COP1: variants seen among roughly 807,000 people sequenced by gnomAD.
COP1 encodes the protein E3 ubiquitin-protein ligase COP1.
A neutral mutation model predicts 101.3 loss-of-function variants in COP1; 24 were observed. The observed-to-expected ratio is 0.24, with a 90% CI of 0.17 to 0.33. The LOEUF (loss-of-function observed/expected upper bound fraction) is 0.33. Ranked by LOEUF, COP1 falls within the 10% of genes least tolerant of loss-of-function variation. The pLI is 1.00. For synonymous variants in COP1, 347 were observed against 341.9 expected, an observed-to-expected ratio of 1.01 and a Z score of -0.17; for missense variants, 663 against 906.2, an observed-to-expected ratio of 0.73 and a Z score of 3.45.
At chr1:176,116,300 G>A (rs1222088865) in intron 9 of COP1, among the ~76,000 whole-genome samples, 1 of 152,114 alleles carries the variant, frequency 6.6e-6, no homozygotes, top group African/African-American at 2.4e-5. Context: ...AGAATTGCTT[G>A]AGCCTAGGAG....
intron 5 of COP1, among the ~76,000 whole-genome samples, chr1:176,153,711 G>C (rs1692990269): frequency 6.6e-6 from 1 of 152,160 alleles, no homozygotes. Flanking sequence ...ATTTAATGAT[G>C]TTGGCTGTGG....
At chr1:176,058,092 C>T (rs1281986507) in intron 11 of COP1, among the ~76,000 whole-genome samples, 1 of 142,138 alleles carries the variant, frequency 7.0e-6, no homozygotes, top group Non-Finnish European at 1.6e-5. Context: ...GTGGGGAGGT[C>T]AGCCCCCGCC....
At chr1:176,066,926 C>A (rs1260356492) in intron 11 of COP1, among the ~76,000 whole-genome samples, 1 of 152,102 alleles carries the variant, frequency 6.6e-6, no homozygotes, top group Non-Finnish European at 1.5e-5. Context: ...AGACCTAGCC[C>A]CTATCCAACT....
At chr1:176,039,932 A>G (rs942500957) in intron 14 of COP1, among the ~76,000 whole-genome samples, 23 of 152,210 alleles carry the variant, frequency 1.5e-4, no homozygotes, top group African/African-American at 5.5e-4. Flanking sequence ...AGACATAAAT[A>G]TAGGAGCTTA....
intron 14 of COP1, among the ~76,000 whole-genome samples, chr1:176,031,082 C>T (rs1242938402): frequency 6.6e-6 from 1 of 152,066 alleles, no homozygotes; most frequent in Non-Finnish European, 1.5e-5. Context: ...ATAATTTTTC[C>T]CCAGAGCCTT....
chr1:176,159,920 A>C (rs1694038581), intron 5 of COP1, among the ~76,000 whole-genome samples: 1 of 152,176 alleles, frequency 6.6e-6, no homozygotes, highest in Admixed American at 6.5e-5. Context: ...AAATCTTCAC[A>C]TTTATTAAAA....
rs369648015 is a variant in COP1, at chr1:175,947,559, G to A, written c.2134-320C>T. 4.1e-4 allele frequency among the ~76,000 whole-genome samples: 62 copies of A among 151,988 alleles called. No individual in the cohort carries two copies. The East Asian group carries it at 9.9e-3, about 24-fold the overall frequency. ...TAATTTTTGTATTTTTAGTAGAGAC[G>A]GGGATTCTCCATGTTGGTCAGGCTG... is the stretch of plus-strand genomic sequence containing the variant. On this transcript the variant is annotated intron_variant, in intron 18 of 19. Coordinates refer to ENST00000367669, the MANE Select transcript of COP1 (RefSeq NM_022457.7).
intron 1 of COP1, among the ~76,000 whole-genome samples, chr1:176,187,444 T>A (rs1359854728): frequency 1.3e-5 from 2 of 151,960 alleles, no homozygotes; most frequent in Non-Finnish European, 2.9e-5. Context: ...AGACAGGATC[T>A]CCTTATGTTG....
intron 1 of COP1, among the ~76,000 whole-genome samples, chr1:176,189,020 A>T (rs1379514108): frequency 6.6e-6 from 1 of 152,218 alleles, no homozygotes; most frequent in Non-Finnish European, 1.5e-5. Context: ...CACAGATCTA[A>T]GAAACTCAGA....
At chr1:176,002,074 C>T (rs1019971833) in intron 15 of COP1, among the ~76,000 whole-genome samples, 5 of 151,944 alleles carry the variant, frequency 3.3e-5, no homozygotes. Flanking sequence ...TTTAGGTGTA[C>T]ATCTTATCTA....
chr1:176,095,260 A>T (rs921138272), intron 9 of COP1, among the ~76,000 whole-genome samples: 5 of 152,228 alleles, frequency 3.3e-5, no homozygotes, highest in Non-Finnish European at 7.3e-5. Flanking sequence ...CTTTAAAGCA[A>T]AGAGTTACAG....
intron 1 of COP1, among the ~76,000 whole-genome samples, chr1:176,188,645 A>T (rs1037344488): frequency 4.6e-5 from 7 of 152,042 alleles, no homozygotes; most frequent in Non-Finnish European, 1.5e-5. Flanking sequence ...TTATTATTAT[A>T]CCTGTATAAT....
At chr1:176,140,201 T>C (rs1349168245) in intron 6 of COP1, among the ~76,000 whole-genome samples, 2 of 152,180 alleles carry the variant, frequency 1.3e-5, no homozygotes. Flanking sequence ...TATTGTTACA[T>C]ATGAAGGCTT....
chr1:176,152,784 C>G (rs994753486), intron 5 of COP1, among the ~76,000 whole-genome samples: 4 of 152,144 alleles, frequency 2.6e-5, no homozygotes, highest in African/African-American at 4.8e-5. Flanking sequence ...ATGTGTGTTT[C>G]CCCTACTTGG....
chr1:176,160,674 A>C (rs1198604814), intron 5 of COP1, among the ~76,000 whole-genome samples: 2 of 152,104 alleles, frequency 1.3e-5, no homozygotes, highest in Non-Finnish European at 2.9e-5. Flanking sequence ...ATGAAAAAAA[A>C]CTCAACATCA....
Position 175,944,969 on chromosome 1 carries a change from A to G in COP1, c.*184T>C. The G allele has an allele frequency of 1.7e-6, 1 of 582,090 alleles. No individual in the cohort carries two copies. The highest frequency in any genetic ancestry group is 2.4e-5 in the South Asian group (1 of 41,254). 36.1% of individuals were successfully genotyped at this position (582,090 alleles called of 1,614,324 possible). On this transcript the variant is annotated 3_prime_UTR_variant, in exon 20 of 20. Coordinates refer to ENST00000367669, the MANE Select transcript of COP1 (RefSeq NM_022457.7). ...ATTGATGGTGGAGAGTTGGCTGGGT[A>G]TTCCCAATGTCCCAAAGGTCATAAA...
intron 8 of COP1, among the ~76,000 whole-genome samples, chr1:176,117,277 A>G (rs184060869): frequency 5.7e-4 from 87 of 152,354 alleles, no homozygotes; most frequent in African/African-American, 2.1e-3. Context: ...AATAACAATA[A>G]TCTTGTCTTT....
intron 11 of COP1, among the ~76,000 whole-genome samples, chr1:176,058,315 TGGAATA>T (rs1674159620): frequency 6.6e-6 from 1 of 151,990 alleles, no homozygotes; most frequent in African/African-American, 2.4e-5. Flanking sequence ...GGCGGTTTTG[TGGAATA>T]GAAAAGGGGG....
At chr1:176,006,404 G>A (rs1571608574) in intron 15 of COP1, among the ~76,000 whole-genome samples, 1 of 152,118 alleles carries the variant, frequency 6.6e-6, no homozygotes, top group Admixed American at 6.5e-5. Context: ...ATGTTAGCTG[G>A]TTATTTTGCT....
Sources: gnomAD v4.1 joint callset for allele counts (sites outside exome capture counted in the v4.1 genomes callset) on GRCh38, gnomAD v4.1.1 for gene constraint, MANE v1.5 for transcripts, NCBI Gene and HGNC (gene_info 2026-07-23, HGNC 2026-07-21) for gene names.